The following SNTB1 variants were observed in gnomAD, a reference collection of about 807,000 sequenced individuals.
SNTB1 encodes syntrophin beta 1, also known as beta-1-syntrophin.
Under a neutral mutation model 48.9 loss-of-function variants are expected in SNTB1, and 36 were observed. The ratio of observed to expected loss-of-function variants is 0.74; its 90% confidence interval spans 0.56 to 0.97. The LOEUF (loss-of-function observed/expected upper bound fraction) is 0.97, where lower values mean the gene tolerates loss of function less well. Ranked by LOEUF, SNTB1 falls within the 50% of genes least tolerant of loss-of-function variation. The pLI, the probability that SNTB1 is intolerant of heterozygous loss-of-function variation, is 0.00. For missense variants in SNTB1, 786 were observed against 703.4 expected, an observed-to-expected ratio of 1.12 and a Z score of -1.33; for synonymous variants, 299 against 294.6, an observed-to-expected ratio of 1.01 and a Z score of -0.15.
chr8:120,635,601 CT>C, intron 2 of SNTB1: 1 of 168,506 alleles, frequency 5.9e-6, no homozygotes, highest in Non-Finnish European at 1.4e-5. Flanking sequence ...ATTAAGTTTA[CT>C]TTTTTCCAGC....
chr8:120,560,713 T>C (rs932379181), intron 4 of SNTB1, among the ~76,000 whole-genome samples: 3 of 152,140 alleles, frequency 2.0e-5, no homozygotes, highest in Non-Finnish European at 2.9e-5. Flanking sequence ...CTCCATACCT[T>C]TCTTTGTGCC....
intron 1 of SNTB1, among the ~76,000 whole-genome samples, chr8:120,702,208 C>T (rs987067333): frequency 8.5e-5 from 13 of 152,206 alleles, no homozygotes; most frequent in Admixed American, 4.6e-4. Flanking sequence ...ACACATGTGC[C>T]TGTTGCGGCA....
intron 2 of SNTB1, among the ~76,000 whole-genome samples, chr8:120,661,390 C>A (rs1306179502): frequency 1.3e-5 from 2 of 152,254 alleles, no homozygotes; most frequent in African/African-American, 4.8e-5. Flanking sequence ...AAGTGAAAAG[C>A]CTAACTTCCA....
intron 2 of SNTB1, chr8:120,637,298 C>A (rs1248609275): frequency 6.1e-6 from 2 of 326,530 alleles, no homozygotes; most frequent in South Asian, 7.8e-5. Flanking sequence ...CTTGGCTAGT[C>A]CTCCTGTGGC....
rs762811817 is a variant in SNTB1, at chr8:120,538,731, T to C, written c.*146A>G. 3 of 737,110 alleles carry C rather than the reference T, an allele frequency of 4.1e-6. No individual in the cohort carries two copies. The highest frequency in any genetic ancestry group is 3.9e-5 in the Admixed American group (2 of 51,276). 45.7% of individuals were successfully genotyped at this position (737,110 alleles called of 1,614,324 possible). A position where few individuals can be genotyped will look rare whatever the true frequency, so the allele number is the denominator to read the frequency against. On this transcript the variant is annotated 3_prime_UTR_variant, in exon 7 of 7. Transcript: ENST00000517992. ...AGTTGCTGAAACTGACAGAGGAGTC[T>C]GGGACAGTTACATACGACTCTTGAG...
chr8:120,545,694 C>T (rs1815369644), intron 5 of SNTB1, among the ~76,000 whole-genome samples: 1 of 152,232 alleles, frequency 6.6e-6, no homozygotes, highest in Non-Finnish European at 1.5e-5. Context: ...TAGATCTGTA[C>T]TGTCCACTGC....
At chr8:120,737,790 A>G (rs753310754) in intron 1 of SNTB1, among the ~76,000 whole-genome samples, 16 of 152,154 alleles carry the variant, frequency 1.1e-4, no homozygotes, top group Non-Finnish European at 2.1e-4. Context: ...TTCAATTGTC[A>G]TAATGTATAA....
intron 1 of SNTB1, among the ~76,000 whole-genome samples, chr8:120,730,725 A>C (rs541209517): frequency 4.4e-4 from 67 of 152,284 alleles, no homozygotes; most frequent in African/African-American, 1.6e-3. Flanking sequence ...TCTTCTGTAA[A>C]GTGGGAACAA....
At chr8:120,764,393 C>A (rs1010005732) in intron 1 of SNTB1, among the ~76,000 whole-genome samples, 1 of 152,100 alleles carries the variant, frequency 6.6e-6, no homozygotes, top group African/African-American at 2.4e-5. Context: ...AGATTACATA[C>A]CCATATATGC....
intron 1 of SNTB1, among the ~76,000 whole-genome samples, chr8:120,737,159 T>G (rs1818959924): frequency 6.6e-6 from 1 of 152,170 alleles, no homozygotes; most frequent in South Asian, 2.1e-4. Context: ...AAAATAAGAC[T>G]TTTCTCTATG....
At chr8:120,711,496 T>C (rs1818463422) in intron 1 of SNTB1, among the ~76,000 whole-genome samples, 1 of 152,168 alleles carries the variant, frequency 6.6e-6, no homozygotes, top group Admixed American at 6.5e-5. Context: ...CTGGGCCTCC[T>C]CGCTTCCCTC....
intron 1 of SNTB1, among the ~76,000 whole-genome samples, chr8:120,700,249 T>C (rs1412006327): frequency 6.6e-6 from 1 of 151,460 alleles, no homozygotes; most frequent in Non-Finnish European, 1.5e-5. Context: ...TAAGAGGCTA[T>C]TGCCTGTAAC....
intron 1 of SNTB1, among the ~76,000 whole-genome samples, chr8:120,723,720 T>C (rs1818707886): frequency 6.6e-6 from 1 of 152,192 alleles, no homozygotes; most frequent in African/African-American, 2.4e-5. Context: ...ACTTGACCTC[T>C]CTCAAATTTT....
At chr8:120,599,064 A>G (rs1816375707) in intron 3 of SNTB1, among the ~76,000 whole-genome samples, 1 of 152,108 alleles carries the variant, frequency 6.6e-6, no homozygotes, top group Non-Finnish European at 1.5e-5. Context: ...TAGGATCTGG[A>G]TATGTTTACA....
rs143809074 is a variant in SNTB1 at position 120,755,025 on chromosome 8, C to T, written c.571+56248G>A. ...GTGAAATACAAGCAACCTTTGTATC[C>T]GAGGCAATGGTGTTGGTTCTCATGT... On this transcript the variant is annotated intron_variant, in intron 1 of 6. Coordinates refer to ENST00000517992, the MANE Select transcript of SNTB1 (RefSeq NM_021021.4). Among the ~76,000 whole-genome samples, 242 of 152,082 alleles carry T rather than the reference C, an allele frequency of 1.6e-3. 1 individual carries two copies. The highest frequency in any genetic ancestry group is 6.8e-3 in the Middle Eastern group (2 of 294).
intron 2 of SNTB1, among the ~76,000 whole-genome samples, chr8:120,686,288 TA>T (rs543792757): frequency 2.0e-5 from 3 of 152,232 alleles, no homozygotes; most frequent in Non-Finnish European, 2.9e-5. Flanking sequence ...CAGGCTGCTA[TA>T]AAAAATATCT....
intron 1 of SNTB1, among the ~76,000 whole-genome samples, chr8:120,703,944 G>T (rs543314723): frequency 1.7e-4 from 26 of 152,280 alleles, no homozygotes; most frequent in South Asian, 8.3e-4. Flanking sequence ...GAAAATTGTG[G>T]CATGGAGAAC....
At chr8:120,567,153 C>T (rs1302978132) in intron 4 of SNTB1, among the ~76,000 whole-genome samples, 2 of 152,152 alleles carry the variant, frequency 1.3e-5, no homozygotes, top group Non-Finnish European at 2.9e-5. Flanking sequence ...AAAACCTTAA[C>T]CTTATGGGGT....
chr8:120,720,010 A>G (rs964011757), intron 1 of SNTB1, among the ~76,000 whole-genome samples: 1 of 152,244 alleles, frequency 6.6e-6, no homozygotes. Context: ...ATTAGAACAC[A>G]GCTTCCAAAT....
Sources: allele counts gnomAD v4.1 joint callset (sites outside exome capture counted in the v4.1 genomes callset), GRCh38; gene constraint gnomAD v4.1.1; transcripts MANE v1.5; gene names NCBI Gene and HGNC (gene_info 2026-07-23, HGNC 2026-07-21).